The following MAP2K5 variants were observed in gnomAD, a reference collection of about 807,000 sequenced individuals.
MAP2K5 encodes the protein mitogen-activated protein kinase kinase 5, also known as dual specificity mitogen-activated protein kinase kinase 5.
MAP2K5 carries 49 observed loss-of-function variants against 83.1 expected under a neutral mutation model. The ratio of observed to expected loss-of-function variants is 0.59; its 90% CI spans 0.47 to 0.75. The LOEUF (loss-of-function observed/expected upper bound fraction) is 0.75, where lower values mean the gene tolerates loss of function less well. MAP2K5 is among the 30% of genes least tolerant of loss of function. MAP2K5 has a pLI of 0.00. For synonymous variants in MAP2K5, 202 were observed against 191.8 expected (o/e 1.05, Z -0.44); for missense variants, 457 against 557.5 (o/e 0.82, Z 1.82).
In MAP2K5 at chr15:67,590,441, C is replaced by CT. The variant is rs1384257916; in HGVS notation, c.432-2485_432-2484insT. On this transcript the variant is annotated intron_variant, in intron 6 of 21. Transcript: ENST00000178640. ...TCCCTCCCTCCCTCTCTCTCTCCCT[C>CT]CCTCCCTCTCTCTCTCTCTCTCTCT... 3.9e-3 allele frequency among the ~76,000 whole-genome samples: 226 copies of CT among 57,746 alleles called. 9 individuals are homozygous for CT. Among genetic ancestry groups the CT allele is most frequent in the African/African-American group, 0.016 (212 of 13,400 alleles). The allele number at this position is 57,746 out of a possible 152,430, so 37.9% of individuals were successfully genotyped here.
intron 8 of MAP2K5, among the ~76,000 whole-genome samples, chr15:67,619,012 A>G (rs1199161115): frequency 6.6e-6 from 1 of 152,122 alleles, no homozygotes. Flanking sequence ...AAATGGTGCT[A>G]CACAGTCTGT....
rs138516014 is a variant in MAP2K5, at chr15:67,724,154, A to G, written c.1045-3762A>G. ...TAGTACAGTGACATATCTGCAGGCC[A>G]TTTCAGAGAAGATTACATACTCTCT... On this transcript the variant is annotated intron_variant, in intron 16 of 21. Coordinates refer to ENST00000178640, the MANE Select transcript of MAP2K5 (RefSeq NM_145160.3). The surrounding 1 kb of genome is among the most constrained non-coding windows in gnomAD (Gnocchi z 4.4). Among the ~76,000 whole-genome samples, 3,701 of 152,312 alleles carry G rather than the reference A, an allele frequency of 0.024. 63 individuals carry two copies. Among genetic ancestry groups the G allele is most frequent in the Non-Finnish European group, 0.036 (2,479 of 68,024 alleles).
At chr15:67,575,649 G>C (rs1174347826) in intron 3 of MAP2K5, among the ~76,000 whole-genome samples, 2 of 152,186 alleles carry the variant, frequency 1.3e-5, no homozygotes, top group Non-Finnish European at 2.9e-5. Context: ...TTTATGCCCT[G>C]AGTGCATGGC....
rs548789721 is a variant in MAP2K5, at chr15:67,764,989, T to C, written c.1135-4613T>C. On this transcript the variant is annotated intron_variant, in intron 19 of 21. Transcript: ENST00000178640. This position sits in a 1 kb window ranked among gnomAD's most constrained non-coding sequence, Gnocchi z 4.9. ...TTTTGACGTAATTTTTAGATTTACATACAGTTGTAAGAAATAATACTGAGA... is the reference window on the plus strand; with the variant it reads ...TTTTGACGTAATTTTTAGATTTACACACAGTTGTAAGAAATAATACTGAGA... Among the ~76,000 whole-genome samples, 9 of 152,368 alleles carry C rather than the reference T, an allele frequency of 5.9e-5. No individual in the cohort carries two copies. Among genetic ancestry groups the C allele is most frequent in the African/African-American group, 1.9e-4 (8 of 41,588 alleles).
chr15:67,616,010 A>G (rs908166827), intron 8 of MAP2K5, among the ~76,000 whole-genome samples: 2 of 152,146 alleles, frequency 1.3e-5, no homozygotes, highest in Non-Finnish European at 2.9e-5. Context: ...GTATCTCCTA[A>G]TAGTTTAACC....
At chr15:67,693,683 G>A in intron 15 of MAP2K5, 115 bp downstream of exon 15, 1 of 762,834 alleles carries the variant, frequency 1.3e-6, no homozygotes, top group South Asian at 1.7e-5. Flanking sequence ...ATCATAAATT[G>A]CAAAGTCAAT....
chr15:67,557,481 T>C (rs1482767841), intron 2 of MAP2K5, among the ~76,000 whole-genome samples: 1 of 152,224 alleles, frequency 6.6e-6, no homozygotes, highest in East Asian at 1.9e-4. Context: ...TAAATATTTA[T>C]TGAATTTGTG....
Position 67,775,244 on chromosome 15 carries a change from G to T in MAP2K5, c.1242+2492G>T, listed in dbSNP as rs1445695355. 2.0e-5 allele frequency among the ~76,000 whole-genome samples: 3 copies of T among 152,194 alleles called. No homozygotes were observed. Among genetic ancestry groups the T allele is most frequent in the African/African-American group, 7.2e-5 (3 of 41,446 alleles). On this transcript the variant is annotated intron_variant, in intron 21 of 21. Coordinates refer to ENST00000178640, the MANE Select transcript of MAP2K5 (RefSeq NM_145160.3). The surrounding 1 kb of genome is among the most constrained non-coding windows in gnomAD (Gnocchi z 5.3). The stretch of plus-strand genomic sequence containing the variant: ...CTTTGGAGACCATTAAAATATCAGT[G>T]TTAGAACTCATTTAGTTGTTTAGAT...
At chr15:67,617,035 A>G (rs1224090449) in intron 8 of MAP2K5, among the ~76,000 whole-genome samples, 1 of 152,226 alleles carries the variant, frequency 6.6e-6, no homozygotes, top group Admixed American at 6.5e-5. Flanking sequence ...TGGCAATACT[A>G]TCATTTCAGT....
At chr15:67,615,263 G>A (rs936222208) in intron 8 of MAP2K5, among the ~76,000 whole-genome samples, 7 of 152,150 alleles carry the variant, frequency 4.6e-5, no homozygotes, top group African/African-American at 1.7e-4. Flanking sequence ...CTCCCAAAGT[G>A]CTGGAATTAT....
chr15:67,615,699 A>C lies in MAP2K5; in HGVS notation c.545+14950A>C, dbSNP rs537996485. ...TTAAAAATTTAAATTTATTTAATTT[A>C]AAATTTAAAAATTATATTTTTCATT... On this transcript the variant is annotated intron_variant, in intron 8 of 21. Transcript: ENST00000178640. Among the ~76,000 whole-genome samples the C allele has an allele frequency of 8.4e-3, 1,272 of 152,212 alleles. 38 individuals carry two copies. Among genetic ancestry groups the C allele is most frequent in the Admixed American group, 0.062 (946 of 15,292 alleles).
chr15:67,657,741 T>C (rs2087122573), intron 11 of MAP2K5, among the ~76,000 whole-genome samples: 1 of 151,994 alleles, frequency 6.6e-6, no homozygotes, highest in Admixed American at 6.6e-5. Context: ...TATATATGCA[T>C]GTGTCTATAT....
At chr15:67,711,941 A>G (rs1444726595) in intron 16 of MAP2K5, among the ~76,000 whole-genome samples, 2 of 152,364 alleles carry the variant, frequency 1.3e-5, no homozygotes, top group East Asian at 3.9e-4. Flanking sequence ...TTAATCTTTC[A>G]TTTATTACAA....
At chr15:67,669,762 T>C (rs147873707) in intron 13 of MAP2K5, among the ~76,000 whole-genome samples, 3 of 142,792 alleles carry the variant, frequency 2.1e-5, no homozygotes, top group African/African-American at 5.2e-5. Flanking sequence ...AAAATACTTC[T>C]TGCTACTTTC....
chr15:67,664,947 C>T (rs1025021969), intron 13 of MAP2K5, among the ~76,000 whole-genome samples: 1 of 152,262 alleles, frequency 6.6e-6, no homozygotes, highest in East Asian at 1.9e-4. Flanking sequence ...AATGCAAAAC[C>T]TTTGCTTTCT....
Position 67,696,248 on chromosome 15 carries a change from A to G in MAP2K5, c.972+2680A>G, listed in dbSNP as rs72751410. 5.7e-3 allele frequency among the ~76,000 whole-genome samples: 865 copies of G among 152,044 alleles called. 5 individuals carry two copies. Among genetic ancestry groups the G allele is most frequent in the Non-Finnish European group, 0.01 (704 of 68,002 alleles). On this transcript the variant is annotated intron_variant, in intron 15 of 21. Transcript: ENST00000178640. Reference sequence around the variant, plus strand: ...GAACTACAGTTCTCAGGCCAAATTCAATTTACTGGAACAATGTACTGATCA... The same window carrying G: ...GAACTACAGTTCTCAGGCCAAATTCGATTTACTGGAACAATGTACTGATCA...
rs1420080380 is a variant in MAP2K5, at chr15:67,781,550, G to A, written c.1242+8798G>A. On this transcript the variant is annotated intron_variant, in intron 21 of 21. Transcript: ENST00000178640. The surrounding 1 kb of genome is among the most constrained non-coding windows in gnomAD (Gnocchi z 4.0). ...TTAATTTTCAAGATTAGAATTAAAC[G>A]TTAGGCCTTGGTCTACCGAGAGACA... Among the ~76,000 whole-genome samples the A allele has an allele frequency of 2.0e-5, 3 of 152,124 alleles. No homozygotes were observed. Among genetic ancestry groups the A allele is most frequent in the Non-Finnish European group, 4.4e-5 (3 of 68,012 alleles).
chr15:67,597,352 C>A (rs1382064623), intron 7 of MAP2K5, among the ~76,000 whole-genome samples: 1 of 152,096 alleles, frequency 6.6e-6, no homozygotes, highest in African/African-American at 2.4e-5. Context: ...GTTTACCATC[C>A]TGTGGGCCAG....
chr15:67,555,921 C>G lies in MAP2K5; in HGVS notation c.184+5839C>G, dbSNP rs1331860398. The stretch of plus-strand genomic sequence containing the variant: ...GCCTCAGCCTCCCAAGTAGCTAGGA[C>G]TACAGGCATGCGCCACCACACCCGG... On this transcript the variant is annotated intron_variant, in intron 2 of 21. Transcript: ENST00000178640. The surrounding 1 kb of genome is among the most constrained non-coding windows in gnomAD (Gnocchi z 5.2). Among the ~76,000 whole-genome samples the G allele has an allele frequency of 6.6e-6, 1 of 151,890 alleles. No individual in the cohort carries two copies. The highest frequency in any genetic ancestry group is 2.4e-5 in the African/African-American group (1 of 41,350).
Sources: gnomAD v4.1 joint callset for allele counts (sites outside exome capture counted in the v4.1 genomes callset) on GRCh38, gnomAD v4.1.1 for gene constraint, Gnocchi (gnomAD v3.1) non-coding constraint, MANE v1.5 for transcripts, NCBI Gene and HGNC (gene_info 2026-07-23, HGNC 2026-07-21) for gene names.